RGPD2: variants seen among roughly 807,000 people sequenced by gnomAD.
RGPD2 encodes RANBP2 like and GRIP domain containing 2.
RGPD2 carries 2 observed loss-of-function variants against 36.0 expected under a neutral mutation model. The ratio of observed to expected loss-of-function variants is 0.06; its 90% CI spans 0.02 to 0.17. The LOEUF (loss-of-function observed/expected upper bound fraction) is 0.17, where lower values mean the gene tolerates loss of function less well. RGPD2 is among the 10% of genes least tolerant of loss of function. RGPD2 has a pLI of 1.00. For synonymous variants in RGPD2, 19 were observed against 163.8 expected, an observed-to-expected ratio of 0.12 and a Z score of 6.75; for missense variants, 40 against 464.3, an observed-to-expected ratio of 0.09 and a Z score of 8.40.
intron 20 of RGPD2, among the ~76,000 whole-genome samples, chr2:87,777,687 T>TC (rs1449517744): frequency 3.3e-5 from 5 of 152,204 alleles, no homozygotes; most frequent in African/African-American, 1.2e-4. Context: ...AGGGTCTCAC[T>TC]CTGTCACACA....
At chr2:87,920,367 T>A in the RGPD2 span, among the ~76,000 whole-genome samples, 2 of 151,888 alleles carry the variant, frequency 1.3e-5, no homozygotes, top group African/African-American at 4.8e-5. Flanking sequence ...ACTATCTTTT[T>A]AAGTTGCTAT....
chr2:87,825,159 C>T (rs1045995747), intron 1 of RGPD2: 5 of 390,798 alleles, frequency 1.3e-5, no homozygotes, highest in African/African-American at 4.1e-5. Flanking sequence ...GTCTGCCCGC[C>T]GCAGTACTGA....
intron 18 of RGPD2, among the ~76,000 whole-genome samples, chr2:87,785,466 GA>G (rs1177989708): frequency 1.4e-5 from 1 of 73,426 alleles, no homozygotes; most frequent in East Asian, 3.3e-4. Flanking sequence ...CCTTTTCTAA[GA>G]AAGATCAGTA....
chr2:87,913,058 T>C, the RGPD2 span, among the ~76,000 whole-genome samples: 6 of 152,116 alleles, frequency 3.9e-5, no homozygotes, highest in Non-Finnish European at 8.8e-5. Flanking sequence ...GTAAATAAAA[T>C]GGTAAGTGAA....
chr2:87,885,936 A>G, the RGPD2 span, among the ~76,000 whole-genome samples: 1 of 152,006 alleles, frequency 6.6e-6, no homozygotes, highest in African/African-American at 2.4e-5. Flanking sequence ...TTTTTACACC[A>G]CAGGACAAAC....
At chr2:87,974,885 C>T in the RGPD2 span, among the ~76,000 whole-genome samples, 1 of 152,066 alleles carries the variant, frequency 6.6e-6, no homozygotes, top group Admixed American at 6.5e-5. Flanking sequence ...TTTTACTATT[C>T]ATTTACCTCA....
the RGPD2 span, among the ~76,000 whole-genome samples, chr2:87,872,932 G>T: frequency 6.6e-6 from 1 of 152,234 alleles, no homozygotes; most frequent in African/African-American, 2.4e-5. Context: ...GCTAATTTTT[G>T]TATTCTTAGT....
the RGPD2 span, among the ~76,000 whole-genome samples, chr2:87,943,956 T>C: frequency 6.6e-6 from 1 of 152,088 alleles, no homozygotes; most frequent in African/African-American, 2.4e-5. Flanking sequence ...GTTCTCTGTT[T>C]TATTCAATTG....
chr2:87,978,946 G>A, the RGPD2 span, among the ~76,000 whole-genome samples: 2 of 151,042 alleles, frequency 1.3e-5, no homozygotes, highest in Non-Finnish European at 2.9e-5. Flanking sequence ...GAAAATGTAT[G>A]TCCACGGGCC....
chr2:87,935,714 AAAAT>A, the RGPD2 span, among the ~76,000 whole-genome samples: 27 of 149,260 alleles, frequency 1.8e-4, no homozygotes, highest in African/African-American at 6.4e-4. Context: ...TTGAATGAAG[AAAAT>A]AAACTTTTAA....
the RGPD2 span, among the ~76,000 whole-genome samples, chr2:87,833,089 CT>C: frequency 6.6e-6 from 1 of 151,056 alleles, no homozygotes; most frequent in Non-Finnish European, 1.5e-5. Flanking sequence ...CAATGAGACA[CT>C]ACTACAGACC....
chr2:87,879,663 T>C, the RGPD2 span, among the ~76,000 whole-genome samples: 1 of 74,654 alleles, frequency 1.3e-5, no homozygotes, highest in East Asian at 3.5e-4. Context: ...TTTTTATGGC[T>C]GAATAGTACT....
the RGPD2 span, among the ~76,000 whole-genome samples, chr2:87,869,821 ATACAG>A: frequency 0.022 from 3,358 of 152,170 alleles, 13 homozygotes; most frequent in Non-Finnish European, 0.033. Flanking sequence ...AGTTAACGTA[ATACAG>A]TAAAGACTAT....
At chr2:87,863,798 T>G in the RGPD2 span, among the ~76,000 whole-genome samples, 1 of 152,188 alleles carries the variant, frequency 6.6e-6, no homozygotes, top group Non-Finnish European at 1.5e-5. Flanking sequence ...ATAAAACATA[T>G]TGACTTTATA....
At chr2:87,897,691 G>A in the RGPD2 span, among the ~76,000 whole-genome samples, 2 of 150,944 alleles carry the variant, frequency 1.3e-5, no homozygotes, top group East Asian at 3.9e-4. Context: ...TGTTCTCATT[G>A]CTCAGCTCTC....
At chr2:87,870,667 T>C in the RGPD2 span, among the ~76,000 whole-genome samples, 301 of 152,310 alleles carry the variant, frequency 2.0e-3, 1 homozygote, top group African/African-American at 7.0e-3. Flanking sequence ...TTGTTTTCCT[T>C]TGCAGCTACA....
chr2:87,839,152 A>G, the RGPD2 span, among the ~76,000 whole-genome samples: 1 of 151,680 alleles, frequency 6.6e-6, no homozygotes, highest in Non-Finnish European at 1.5e-5. Flanking sequence ...TTCAGAATCT[A>G]TAAGACACTT....
the RGPD2 span, among the ~76,000 whole-genome samples, chr2:87,872,937 C>T: frequency 6.6e-6 from 1 of 152,240 alleles, no homozygotes; most frequent in African/African-American, 2.4e-5. Context: ...TTTTTGTATT[C>T]TTAGTAGAGA....
the RGPD2 span, among the ~76,000 whole-genome samples, chr2:87,879,331 T>C: frequency 6.6e-6 from 1 of 152,108 alleles, no homozygotes; most frequent in South Asian, 2.1e-4. Context: ...TTAAAATGTA[T>C]AATTAAATTA....
Sources: allele counts gnomAD v4.1 joint callset (sites outside exome capture counted in the v4.1 genomes callset), GRCh38; gene constraint gnomAD v4.1.1; transcripts MANE v1.5; gene names NCBI Gene and HGNC (gene_info 2026-07-23, HGNC 2026-07-21).